The following SNW1 variants were observed in gnomAD, a reference collection of about 807,000 sequenced individuals.
The protein encoded by SNW1 is SNW domain-containing protein 1.
Under a neutral mutation model 75.6 loss-of-function variants are expected in SNW1, and 9 were observed. The ratio of observed to expected loss-of-function variants is 0.12; its 90% confidence interval spans 0.07 to 0.21. The LOEUF is 0.21. Ranked by LOEUF, SNW1 falls within the 10% of genes least tolerant of loss-of-function variation. The probability of loss-of-function intolerance (pLI) is 1.00; values close to 1 mark genes in which losing one functional copy is unlikely to be tolerated. For missense variants in SNW1, 409 were observed against 670.9 expected (o/e 0.61, Z 4.31); for synonymous variants, 200 against 219.1 (o/e 0.91, Z 0.77).
At chr14:77,742,283 G>T (rs1394948630) in intron 3 of SNW1, among the ~76,000 whole-genome samples, 1 of 151,904 alleles carries the variant, frequency 6.6e-6, no homozygotes, top group Non-Finnish European at 1.5e-5. Flanking sequence ...CGATCCACCC[G>T]CCTCGGCCTC....
chr14:77,730,360 T>C (rs1490845369), intron 10 of SNW1, among the ~76,000 whole-genome samples: 3 of 152,196 alleles, frequency 2.0e-5, no homozygotes, highest in Admixed American at 1.3e-4. Context: ...AAAAACACTT[T>C]GTGTCTAAAA....
At chr14:77,724,555 T>C (rs956563723) in intron 10 of SNW1, among the ~76,000 whole-genome samples, 8 of 152,244 alleles carry the variant, frequency 5.3e-5, no homozygotes, top group African/African-American at 1.9e-4. Context: ...TTCTACTCTC[T>C]GCTTCCTTGA....
intron 3 of SNW1, among the ~76,000 whole-genome samples, 167 bp downstream of exon 3, chr14:77,751,152 A>G (rs902302489): frequency 6.6e-6 from 1 of 152,170 alleles, no homozygotes; most frequent in Non-Finnish European, 1.5e-5. Flanking sequence ...GGCTCAGTCA[A>G]ACCTCCTACC....
At chr14:77,754,602 G>GGGA (rs748177412) in intron 2 of SNW1, among the ~76,000 whole-genome samples, 40 of 151,906 alleles carry the variant, frequency 2.6e-4, no homozygotes, top group Non-Finnish European at 4.9e-4. Context: ...ATTATCGGAG[G>GGGA]GGAGGAGGAG....
At position 77,758,330 on chromosome 14, in the gene SNW1, AAAAAAAG is replaced by A. The variant is rs2080859188; in HGVS notation, c.14+2777_14+2783del. ...GACTCTGCCACAAAAAAAAAAAAAA[AAAAAAAG>A]AACAAATTTTCGTATGCTTTTATAG... On this transcript the variant is annotated intron_variant, in intron 1 of 13. Transcript: ENST00000261531. Among the ~76,000 whole-genome samples, 3 of 151,634 alleles carry A rather than the reference AAAAAAAG, an allele frequency of 2.0e-5. No homozygotes were observed. The South Asian group carries it at 6.2e-4, about 31-fold the overall frequency.
intron 5 of SNW1, among the ~76,000 whole-genome samples, chr14:77,737,370 T>C (rs45519831): frequency 0.1 from 15,488 of 152,038 alleles, 926 homozygotes; most frequent in African/African-American, 0.15. Context: ...GTCTAGAAAA[T>C]AGTACCTATT....
rs1359427449 is a variant in SNW1 at position 77,736,015 on chromosome 14, T to C, written c.639-9A>G. On this transcript the variant is annotated splice_polypyrimidine_tract_variant and intron_variant, in intron 6 of 13. Transcript: ENST00000261531. ...GAATTTTCTTATTAATCCTGAAGTA[T>C]AAAAACACAACCAGAGAGTGATATA... 4 of 1,604,884 alleles carry C rather than the reference T, an allele frequency of 2.5e-6. No individual in the cohort carries two copies. The African/African-American group carries it at 4.0e-5, about 16-fold the overall frequency.
intron 3 of SNW1, among the ~76,000 whole-genome samples, chr14:77,747,110 G>T (rs182076017): frequency 2.0e-5 from 3 of 152,156 alleles, no homozygotes; most frequent in African/African-American, 7.2e-5. Flanking sequence ...GTGGAGATGG[G>T]GTTTTGCTGT....
At chr14:77,753,754 C>A (rs2080824462) in intron 2 of SNW1, among the ~76,000 whole-genome samples, 2 of 151,886 alleles carry the variant, frequency 1.3e-5, no homozygotes, top group South Asian at 4.2e-4. Context: ...GAGTTCAAGA[C>A]CAGCCTAGCA....
chr14:77,747,896 C>A (rs2080776640), intron 3 of SNW1, among the ~76,000 whole-genome samples: 1 of 152,180 alleles, frequency 6.6e-6, no homozygotes, highest in African/African-American at 2.4e-5. Flanking sequence ...CCAGAGGCCA[C>A]CCCGTCTGGG....
intron 5 of SNW1, 57 bp downstream of exon 5, chr14:77,738,721 C>A (rs1466807580): frequency 3.9e-6 from 5 of 1,269,764 alleles, no homozygotes. Context: ...AATACCATGA[C>A]CCCCCAAGCT....
At position 77,755,047 on chromosome 14, in the gene SNW1, G is replaced by C; in HGVS notation, c.88C>G (p.Arg30Gly). The stretch of plus-strand genomic sequence containing the variant: ...CGGGAGGAGACCAGTGAGGTCTGCC[G>C]TGATCTCTGGGATCTTGCCTTTTCT... ...AEEKARSQRS[R>G]QTSLVSSRRE... Residue 30 changes from arginine to glycine, a missense_variant, in exon 2 of 14, where the codon CGG (arginine) becomes GGG (glycine). Arg to Gly is a moderately radical substitution (Grantham distance 125, BLOSUM62 -2). Coordinates refer to ENST00000261531, the MANE Select transcript of SNW1 (RefSeq NM_012245.3). 1 of 1,612,518 alleles carries C rather than the reference G, an allele frequency of 6.2e-7. No individual in the cohort carries two copies. Among genetic ancestry groups the C allele is most frequent in the African/African-American group, 1.3e-5 (1 of 75,004 alleles).
chr14:77,743,261 G>C (rs1321383718), intron 3 of SNW1, among the ~76,000 whole-genome samples: 2 of 149,900 alleles, frequency 1.3e-5, no homozygotes, highest in South Asian at 2.1e-4. Flanking sequence ...TCATAATTAG[G>C]AAAAAAAAAG....
intron 1 of SNW1, among the ~76,000 whole-genome samples, chr14:77,757,801 T>C (rs2080852750): frequency 6.6e-6 from 1 of 152,152 alleles, no homozygotes; most frequent in Non-Finnish European, 1.5e-5. Context: ...GAGAAATAAA[T>C]ACACTCTTCC....
chr14:77,722,877 C>T (rs2139893742), intron 11 of SNW1: 1 of 398,082 alleles, frequency 2.5e-6, no homozygotes, highest in Non-Finnish European at 4.7e-6. Flanking sequence ...TGGAGTCTCG[C>T]TCTGTCGCCC....
At chr14:77,761,023 C>A (rs577166993) in intron 1 of SNW1, 91 bp downstream of exon 1, 22 of 1,614,050 alleles carry the variant, frequency 1.4e-5, no homozygotes, top group Non-Finnish European at 1.9e-5. Flanking sequence ...TGCCCCGGGT[C>A]AGGTCACCGC....
At position 77,723,211 on chromosome 14, in the gene SNW1, C is replaced by T. The variant is rs1440803162; in HGVS notation, c.1100G>A (p.Arg367Gln). ...ATCAGGAGCTGCCCTGGAAAGATTC[C>T]GGTCATGCTGTCTCTCTTTTCGCCT... ...HDRRKERQHD[R>Q]NLSRAAPDKR... Residue 367 changes from arginine to glutamine, a missense_variant, in exon 11 of 14, where the codon CGG (arginine) becomes CAG (glutamine). Physicochemically the swap from Arg to Gln is conservative, Grantham distance 43. Transcript: ENST00000261531. 4 of 1,614,014 alleles carry T rather than the reference C, an allele frequency of 2.5e-6. No individual in the cohort carries two copies. The highest frequency in any genetic ancestry group is 3.4e-6 in the Non-Finnish European group (4 of 1,179,952).
intron 3 of SNW1, among the ~76,000 whole-genome samples, chr14:77,744,097 C>T (rs531322693): frequency 6.8e-6 from 1 of 147,852 alleles, no homozygotes; most frequent in Admixed American, 6.8e-5. Context: ...GATCGTGCCA[C>T]TGCATTTCAG....
At chr14:77,721,063 G>C in intron 11 of SNW1, 1 of 482,852 alleles carries the variant, frequency 2.1e-6, no homozygotes, top group Non-Finnish European at 3.7e-6. Flanking sequence ...ACATCTAACA[G>C]ATTCGTTGAC....
Sources: allele counts gnomAD v4.1 joint callset (sites outside exome capture counted in the v4.1 genomes callset), GRCh38; gene constraint gnomAD v4.1.1; transcripts MANE v1.5; gene names NCBI Gene and HGNC (gene_info 2026-07-23, HGNC 2026-07-21).